The following MID2 variants were observed in gnomAD, a reference collection of about 807,000 sequenced individuals.
MID2 encodes the protein midline 2, also known as probable E3 ubiquitin-protein ligase MID2.
A neutral mutation model predicts 46.1 loss-of-function variants in MID2; 13 were observed. The ratio of observed to expected loss-of-function variants is 0.28; its 90% CI spans 0.18 to 0.45. MID2 has a LOEUF of 0.45. Among genes scored for constraint, MID2 ranks in the 20% least tolerant of loss-of-function variants. The pLI, the probability that MID2 is intolerant of heterozygous loss-of-function variation, is 1.00. For missense variants in MID2, 431 were observed against 575.4 expected (o/e 0.75, Z 2.57); for synonymous variants, 199 against 212.3 (o/e 0.94, Z 0.55).
chrX:107,909,947 A>G (rs760331529), intron 5 of MID2, among the ~76,000 whole-genome samples: 2 of 112,725 alleles, frequency 1.8e-5, no homozygotes, highest in African/African-American at 6.4e-5. Flanking sequence ...ATATATGCAT[A>G]CAATGTGGAA....
At chrX:107,828,313 T>TC (rs199908428) in intron 1 of MID2, among the ~76,000 whole-genome samples, 3 of 94,982 alleles carry the variant, frequency 3.2e-5, no homozygotes, top group Non-Finnish European at 6.3e-5. Context: ...TTCTTTTCTT[T>TC]TTTTTTTTTT....
intron 5 of MID2, among the ~76,000 whole-genome samples, chrX:107,907,887 A>T (rs138137440): frequency 0.026 from 2,912 of 112,429 alleles, 88 homozygotes; most frequent in African/African-American, 0.089. Context: ...CATTATCAAT[A>T]GAGTTCTTAC....
At chrX:107,886,241 G>T (rs1437285024) in intron 3 of MID2, among the ~76,000 whole-genome samples, 1 of 111,991 alleles carries the variant, frequency 8.9e-6, no homozygotes, top group Non-Finnish European at 1.9e-5. Flanking sequence ...TCTTCTAGGA[G>T]TTTTATGCTT....
chrX:107,874,379 T>A (rs1447703416), intron 3 of MID2, among the ~76,000 whole-genome samples: 1 of 110,879 alleles, frequency 9.0e-6, no homozygotes, highest in Non-Finnish European at 1.9e-5. Flanking sequence ...AGTTAAGTTA[T>A]TCCCCATGGT....
intron 3 of MID2, among the ~76,000 whole-genome samples, chrX:107,880,391 A>C (rs1932293249): frequency 9.0e-6 from 1 of 111,275 alleles, no homozygotes; most frequent in African/African-American, 3.3e-5. Flanking sequence ...CAAAGTGCTG[A>C]GATTACTAGA....
intron 3 of MID2, among the ~76,000 whole-genome samples, chrX:107,867,175 G>A (rs140191060): frequency 1.3e-4 from 14 of 111,920 alleles, no homozygotes; most frequent in Non-Finnish European, 2.4e-4. Context: ...GTTTTGAGAC[G>A]GAGTCTCCCT....
intron 7 of MID2, among the ~76,000 whole-genome samples, chrX:107,918,455 A>C (rs1933010513): frequency 8.9e-6 from 1 of 112,058 alleles, no homozygotes; most frequent in Non-Finnish European, 1.9e-5. Flanking sequence ...GCTGCAAATT[A>C]GTATTTTCTT....
At chrX:107,834,549 G>T (rs1328992781) in intron 1 of MID2, among the ~76,000 whole-genome samples, 5 of 111,883 alleles carry the variant, frequency 4.5e-5, no homozygotes, top group Non-Finnish European at 9.4e-5. Context: ...TTTAATTTTT[G>T]TCATGCCACT....
intron 3 of MID2, among the ~76,000 whole-genome samples, chrX:107,865,416 GC>G (rs779355458): frequency 1.8e-5 from 2 of 112,512 alleles, no homozygotes; most frequent in Non-Finnish European, 3.8e-5. Context: ...AGATGGCTGT[GC>G]CTGGCTGTTC....
intron 3 of MID2, among the ~76,000 whole-genome samples, chrX:107,890,280 G>A (rs945079804): frequency 2.7e-5 from 3 of 111,807 alleles, no homozygotes; most frequent in East Asian, 2.8e-4. Flanking sequence ...TGATGGTGAC[G>A]TACAGATGGG....
At chrX:107,828,310 CTTTT>C (rs766362742) in intron 1 of MID2, among the ~76,000 whole-genome samples, 8 of 83,015 alleles carry the variant, frequency 9.6e-5, no homozygotes, top group African/African-American at 3.3e-4. Context: ...TCTTTCTTTT[CTTTT>C]TTTTTTTTTT....
chrX:107,888,287 C>G (rs1297285352), intron 3 of MID2, among the ~76,000 whole-genome samples: 1 of 112,119 alleles, frequency 8.9e-6, no homozygotes, highest in Non-Finnish European at 1.9e-5. Context: ...CCTCTACACA[C>G]TGCTTTGAAT....
At chrX:107,867,133 G>GTGTTTTT (rs1931973025) in intron 3 of MID2, among the ~76,000 whole-genome samples, 1 of 111,612 alleles carries the variant, frequency 9.0e-6, no homozygotes, top group Non-Finnish European at 1.9e-5. Context: ...CACGGGTGTA[G>GTGTTTTT]TGTTTTTTGT....
At chrX:107,834,402 G>A in intron 1 of MID2, among the ~76,000 whole-genome samples, 1 of 111,879 alleles carries the variant, frequency 8.9e-6, no homozygotes, top group East Asian at 2.8e-4. Flanking sequence ...ATGACAAATT[G>A]TAAAAACTTT....
intron 3 of MID2, among the ~76,000 whole-genome samples, chrX:107,864,282 G>A (rs1189229504): frequency 8.9e-6 from 1 of 112,024 alleles, no homozygotes; most frequent in Non-Finnish European, 1.9e-5. Context: ...AGCCTCTTAT[G>A]TACTCCTGCC....
intron 1 of MID2, among the ~76,000 whole-genome samples, chrX:107,838,698 AT>A (rs1931261812): frequency 8.9e-6 from 1 of 112,578 alleles, no homozygotes; most frequent in Non-Finnish European, 1.9e-5. Context: ...CTCAGTACTT[AT>A]GTATCCTGTG....
At chrX:107,874,921 T>C (rs1371950656) in intron 3 of MID2, among the ~76,000 whole-genome samples, 2 of 111,469 alleles carry the variant, frequency 1.8e-5, no homozygotes, top group African/African-American at 6.5e-5. Flanking sequence ...TTTTGAAACC[T>C]TATATCCTCT....
At chrX:107,890,011 C>G (rs1273249771) in intron 3 of MID2, among the ~76,000 whole-genome samples, 2 of 111,353 alleles carry the variant, frequency 1.8e-5, no homozygotes, top group Non-Finnish European at 3.8e-5. Context: ...TTCTAGTTAG[C>G]CATTCATGTA....
chrX:107,886,472 A>G (rs1298046704), intron 3 of MID2, among the ~76,000 whole-genome samples: 8 of 109,929 alleles, frequency 7.3e-5, no homozygotes, highest in East Asian at 2.8e-4. Context: ...GTTCTGTTCC[A>G]TTGATCTATA....
Sources: gnomAD v4.1 joint callset for allele counts (sites outside exome capture counted in the v4.1 genomes callset) on GRCh38, gnomAD v4.1.1 for gene constraint, MANE v1.5 for transcripts, NCBI Gene and HGNC (gene_info 2026-07-23, HGNC 2026-07-21) for gene names.